Variants in TSPEAR observed in about 807,000 individuals in gnomAD.
The protein encoded by TSPEAR is thrombospondin-type laminin G domain and EAR repeat-containing protein.
A neutral mutation model predicts 71.6 loss-of-function variants in TSPEAR; 69 were observed. The ratio of observed to expected loss-of-function variants is 0.96; its 90% CI spans 0.79 to 1.18. TSPEAR has a LOEUF of 1.18. Ranked by LOEUF, TSPEAR falls within the 50% of genes most tolerant of loss-of-function variation. The probability of loss-of-function intolerance (pLI) is 0.00; values close to 1 mark genes in which losing one functional copy is unlikely to be tolerated. For synonymous variants in TSPEAR, 402 were observed against 387.2 expected (o/e 1.04, Z -0.45); for missense variants, 971 against 894.9 (o/e 1.09, Z -1.09).
In TSPEAR at chr21:44,539,619, G is replaced by T. The variant is rs370403257; in HGVS notation, c.304-5696C>A. On this transcript the variant is annotated intron_variant, in intron 2 of 11. Coordinates refer to ENST00000323084, the MANE Select transcript of TSPEAR (RefSeq NM_144991.3). ...GGCACGCAGCAGGCCTGCTGGCAGG[G>T]GGAGGAGGTGCAGCAAGCTGGATGG... is the stretch of plus-strand genomic sequence containing the variant. 5.0e-6 allele frequency: 8 copies of T among 1,613,204 alleles called. No individual in the cohort carries two copies. The African/African-American group carries it at 8.0e-5, about 16-fold the overall frequency.
intron 2 of TSPEAR, chr21:44,539,148 C>G: frequency 7.5e-7 from 1 of 1,339,394 alleles, no homozygotes; most frequent in African/African-American, 1.5e-5. Flanking sequence ...GATGGAGGCT[C>G]CTGGGAGCAA....
intron 1 of TSPEAR, among the ~76,000 whole-genome samples, chr21:44,598,587 G>T (rs1440956357): frequency 2.0e-5 from 3 of 152,172 alleles, no homozygotes; most frequent in Non-Finnish European, 4.4e-5. Context: ...CACATTCTTA[G>T]ATTATTCAAG....
intron 1 of TSPEAR, among the ~76,000 whole-genome samples, chr21:44,679,760 C>A (rs1986490475): frequency 6.6e-6 from 1 of 152,140 alleles, no homozygotes; most frequent in Non-Finnish European, 1.5e-5. Context: ...TGATTTTCAA[C>A]AAAGGTGCCA....
At chr21:44,514,717 C>T (rs1371701350) in intron 9 of TSPEAR, among the ~76,000 whole-genome samples, 1 of 152,222 alleles carries the variant, frequency 6.6e-6, no homozygotes, top group Non-Finnish European at 1.5e-5. Flanking sequence ...TCCTTTGGTC[C>T]AAGCTGGGGA....
intron 1 of TSPEAR, among the ~76,000 whole-genome samples, chr21:44,650,137 G>A (rs893304898): frequency 6.6e-6 from 1 of 151,984 alleles, no homozygotes; most frequent in Non-Finnish European, 1.5e-5. Flanking sequence ...GACGGCTTGA[G>A]CCTGGGAGGT....
chr21:44,579,020 T>C (rs1555924363), intron 1 of TSPEAR, among the ~76,000 whole-genome samples: 1 of 152,172 alleles, frequency 6.6e-6, no homozygotes, highest in Non-Finnish European at 1.5e-5. Context: ...CCTGCGCAGG[T>C]GCAGCAGCCC....
rs587696532 is a variant in TSPEAR at position 44,593,234 on chromosome 21, G to A, written c.83-25229C>T. ...GAGTAACCGTGCTGAGCAGCGGGCG[G>A]TCAGCAGCCCTCGTCCCCGCCTGGG... is the stretch of plus-strand genomic sequence containing the variant. On this transcript the variant is annotated intron_variant, in intron 1 of 11. Transcript: ENST00000323084. The surrounding 1 kb of genome is among the most constrained non-coding windows in gnomAD (Gnocchi z 5.9). Among the ~76,000 whole-genome samples the A allele has an allele frequency of 8.5e-5, 13 of 152,282 alleles. No homozygotes were observed. Among genetic ancestry groups the A allele is most frequent in the African/African-American group, 3.1e-4 (13 of 41,560 alleles).
At chr21:44,575,809 C>T (rs587704822) in intron 1 of TSPEAR, among the ~76,000 whole-genome samples, 6 of 152,290 alleles carry the variant, frequency 3.9e-5, no homozygotes, top group African/African-American at 9.6e-5. Flanking sequence ...CACAGACAGG[C>T]GATTGGAATT....
chr21:44,522,275 C>T (rs1441709167), intron 8 of TSPEAR, among the ~76,000 whole-genome samples, 163 bp from the exon 9 acceptor site: 1 of 152,230 alleles, frequency 6.6e-6, no homozygotes, highest in Non-Finnish European at 1.5e-5. Context: ...AGCCTCCCGC[C>T]CTCAGCCCCT....
intron 11 of TSPEAR, among the ~76,000 whole-genome samples, chr21:44,503,008 AG>A (rs2052073510): frequency 3.7e-5 from 4 of 109,416 alleles, no homozygotes; most frequent in African/African-American, 1.0e-4. Flanking sequence ...AGGTGCTGGG[AG>A]GAAGCCGGCC....
At chr21:44,637,206 G>A (rs1382086000) in intron 1 of TSPEAR, 1 of 678,728 alleles carries the variant, frequency 1.5e-6, no homozygotes, top group South Asian at 1.9e-5. Context: ...AGCAGAGTGA[G>A]GACAAGTCAT....
chr21:44,573,683 C>G, intron 1 of TSPEAR: 1 of 1,565,778 alleles, frequency 6.4e-7, no homozygotes. Flanking sequence ...CCCCACAAAC[C>G]CGAGCACCTC....
intron 1 of TSPEAR, chr21:44,591,277 G>C (rs587619649): frequency 2.0e-5 from 29 of 1,479,156 alleles, no homozygotes; most frequent in African/African-American, 8.5e-5. Flanking sequence ...CTAAGACAAA[G>C]AGCCTGCCCC....
At chr21:44,589,147 AATAAAAT>A (rs1979574870) in intron 1 of TSPEAR, among the ~76,000 whole-genome samples, 1 of 152,202 alleles carries the variant, frequency 6.6e-6, no homozygotes, top group Admixed American at 6.5e-5. Context: ...CAATAACCTA[AATAAAAT>A]ATAAAATAAA....
chr21:44,673,547 C>T (rs1555946368), intron 1 of TSPEAR, among the ~76,000 whole-genome samples: 1 of 152,146 alleles, frequency 6.6e-6, no homozygotes, highest in Admixed American at 6.6e-5. Flanking sequence ...TTAGACATAT[C>T]ATCCAGACAG....
chr21:44,689,739 A>ATATATATATATATATATT (rs1555949531), intron 1 of TSPEAR, among the ~76,000 whole-genome samples: 1 of 128,172 alleles, frequency 7.8e-6, no homozygotes, highest in Non-Finnish European at 1.6e-5. Context: ...ATATATATAT[A>ATATATATATATATATATT]TTTTGGGGGG....
chr21:44,590,516 G>A (rs1555926348), intron 1 of TSPEAR, among the ~76,000 whole-genome samples: 1 of 152,186 alleles, frequency 6.6e-6, no homozygotes, highest in African/African-American at 2.4e-5. Context: ...TCTCGCCAGC[G>A]ATGCCTGAGC....
intron 1 of TSPEAR, among the ~76,000 whole-genome samples, chr21:44,604,499 A>G (rs1981186306): frequency 6.6e-6 from 1 of 152,176 alleles, no homozygotes; most frequent in African/African-American, 2.4e-5. Context: ...GTCAAAGATA[A>G]GATAATGAGA....
intron 2 of TSPEAR, among the ~76,000 whole-genome samples, chr21:44,548,899 T>C (rs1952568237): frequency 6.6e-6 from 1 of 152,184 alleles, no homozygotes; most frequent in Non-Finnish European, 1.5e-5. Context: ...GAAAGGTATA[T>C]GGTAGAAACA....
Sources: allele counts gnomAD v4.1 joint callset (sites outside exome capture counted in the v4.1 genomes callset), GRCh38; gene constraint gnomAD v4.1.1; non-coding constraint Gnocchi (gnomAD v3.1); transcripts MANE v1.5; gene names NCBI Gene and HGNC (gene_info 2026-07-23, HGNC 2026-07-21).